The following NOX4 variants were observed in gnomAD, a reference collection of about 807,000 sequenced individuals.
The protein encoded by NOX4 is kidney oxidase-1.
NOX4 carries 69 observed loss-of-function variants against 87.6 expected under a neutral mutation model. The observed-to-expected ratio is 0.79, with a 90% CI of 0.65 to 0.96. The LOEUF is 0.96. NOX4 is among the 40% of genes least tolerant of loss of function. The probability of loss-of-function intolerance (pLI) is 0.00; values close to 1 mark genes in which losing one functional copy is unlikely to be tolerated. For synonymous variants in NOX4, 275 were observed against 238.2 expected (o/e 1.15, Z -1.42); for missense variants, 680 against 681.5 (o/e 1.00, Z 0.02).
Position 89,358,040 on chromosome 11 carries a change from G to T in NOX4, c.1136-2997C>A, listed in dbSNP as rs141325964. Among the ~76,000 whole-genome samples, 768 of 152,068 alleles carry T rather than the reference G, an allele frequency of 5.1e-3. 13 individuals carry two copies. Among genetic ancestry groups the T allele is most frequent in the African/African-American group, 0.018 (735 of 41,524 alleles). On this transcript the variant is annotated intron_variant, in intron 12 of 17. Transcript: ENST00000263317. ...GGAACATCCTTTAATCAGATTATCA[G>T]AAATACAAAGAATACCAAGCAAACA...
intron 8 of NOX4, among the ~76,000 whole-genome samples, chr11:89,405,285 C>T (rs529707198): frequency 1.7e-4 from 26 of 152,050 alleles, no homozygotes; most frequent in Non-Finnish European, 3.2e-4. Context: ...CCCAATCAAA[C>T]ATTTGTGCTG....
rs148938744 is a variant in NOX4, at chr11:89,381,071, C to T, written c.1075-7579G>A. Among the ~76,000 whole-genome samples the T allele has an allele frequency of 6.4e-4, 97 of 152,156 alleles. No homozygotes were observed. In the East Asian group the frequency reaches 0.011, roughly 18 times the overall value. ...ATTCTTGCCTGGTTTTCTTTGAAAA[C>T]GGGAAAAACTATTCCTGGAAAAACT... On this transcript the variant is annotated intron_variant, in intron 11 of 17. Coordinates refer to ENST00000263317, the MANE Select transcript of NOX4 (RefSeq NM_016931.5).
At chr11:89,333,138 T>C (rs550814141) in intron 17 of NOX4, among the ~76,000 whole-genome samples, 2 of 151,938 alleles carry the variant, frequency 1.3e-5, no homozygotes, top group South Asian at 2.1e-4. Flanking sequence ...ATAAGTTATC[T>C]AAATATAAAG....
the NOX4 span, among the ~76,000 whole-genome samples, chr11:89,552,684 A>T: frequency 6.6e-6 from 1 of 152,164 alleles, no homozygotes. Flanking sequence ...CATTGGATTT[A>T]GTTCAGTCTT....
chr11:89,555,145 T>G, the NOX4 span, among the ~76,000 whole-genome samples: 1 of 151,754 alleles, frequency 6.6e-6, no homozygotes, highest in Admixed American at 6.6e-5. Flanking sequence ...ATTCCATTCT[T>G]TTTGCTGGTT....
intron 2 of NOX4, among the ~76,000 whole-genome samples, chr11:89,475,925 T>C (rs59921890): frequency 0.019 from 2,862 of 152,254 alleles, 75 homozygotes; most frequent in African/African-American, 0.066. Context: ...GGTTTGCTTT[T>C]CTTGTGTGCT....
intron 6 of NOX4, among the ~76,000 whole-genome samples, chr11:89,438,857 A>C (rs1317318125): frequency 2.7e-3 from 25 of 9,424 alleles, no homozygotes; most frequent in South Asian, 6.6e-3. Flanking sequence ...TATATAATAT[A>C]TTATATATTA....
At chr11:89,353,499 T>C (rs1374682601) in intron 13 of NOX4, among the ~76,000 whole-genome samples, 2 of 152,166 alleles carry the variant, frequency 1.3e-5, no homozygotes, top group Non-Finnish European at 2.9e-5. Flanking sequence ...ATGTACATAG[T>C]ATTTCTAGAC....
the NOX4 span, among the ~76,000 whole-genome samples, chr11:89,554,090 A>ATT: frequency 1.3e-5 from 2 of 148,200 alleles, no homozygotes; most frequent in African/African-American, 5.0e-5. Flanking sequence ...AAAAGGATGT[A>ATT]TTTTTTTTTT....
the NOX4 span, chr11:89,546,579 T>C: frequency 6.6e-6 from 1 of 152,180 alleles, no homozygotes; most frequent in Non-Finnish European, 1.5e-5. Context: ...CTGTTTTGCA[T>C]TGCTATAACA....
the NOX4 span, among the ~76,000 whole-genome samples, chr11:89,561,809 A>G: frequency 6.6e-6 from 1 of 152,168 alleles, no homozygotes; most frequent in South Asian, 2.1e-4. Context: ...TCAGATGGCA[A>G]TAAATACTGT....
the NOX4 span, among the ~76,000 whole-genome samples, chr11:89,524,395 A>G: frequency 2.6e-5 from 4 of 152,184 alleles, no homozygotes; most frequent in Non-Finnish European, 5.9e-5. Context: ...CCTTCTAGGT[A>G]TAATACTTTG....
the NOX4 span, among the ~76,000 whole-genome samples, chr11:89,567,631 C>G: frequency 6.6e-6 from 1 of 152,148 alleles, no homozygotes; most frequent in Non-Finnish European, 1.5e-5. Flanking sequence ...ATAAAACCAT[C>G]AGATCTCATG....
At chr11:89,345,383 C>A (rs2134929758) in intron 13 of NOX4, among the ~76,000 whole-genome samples, 1 of 152,224 alleles carries the variant, frequency 6.6e-6, no homozygotes, top group East Asian at 1.9e-4. Context: ...AATATGTATT[C>A]AATAGAGACT....
the NOX4 span, among the ~76,000 whole-genome samples, chr11:89,584,883 A>G: frequency 2.0e-5 from 3 of 152,162 alleles, no homozygotes; most frequent in African/African-American, 7.2e-5. Context: ...ATGAAATGAT[A>G]GATTGCTCAT....
intron 2 of NOX4, among the ~76,000 whole-genome samples, chr11:89,477,303 G>A (rs964336026): frequency 3.3e-5 from 5 of 152,030 alleles, no homozygotes; most frequent in East Asian, 3.9e-4. Context: ...TCCCTCCTGC[G>A]CAGTTCACAA....
At position 89,449,471 on chromosome 11, in the gene NOX4, A is replaced by C. The variant is rs571244490; in HGVS notation, c.318T>G (p.Ile106Met). Reference sequence around the variant, plus strand: ...AAATACAGATAGTAACACCACAGGTAATATGGAATGTTCTGCTTTTATCCA... The same window carrying C: ...AAATACAGATAGTAACACCACAGGTCATATGGAATGTTCTGCTTTTATCCA... ...RLLDKSRTFH[I>M]TCGVTICIFS... is the part of the protein sequence containing the mutation. Residue 106 changes from isoleucine to methionine, a missense_variant, in exon 4 of 18, where the codon ATT becomes ATG. Physicochemically the swap from Ile to Met is conservative, Grantham distance 10. Coordinates refer to ENST00000263317, the MANE Select transcript of NOX4 (RefSeq NM_016931.5). 48 of 1,612,102 alleles carry C rather than the reference A, an allele frequency of 3.0e-5. No individual in the cohort carries two copies. The highest frequency in any genetic ancestry group is 2.6e-4 in the South Asian group (24 of 90,832).
the NOX4 span, among the ~76,000 whole-genome samples, chr11:89,538,042 T>C: frequency 1.4e-4 from 22 of 152,320 alleles, no homozygotes; most frequent in African/African-American, 5.3e-4. Flanking sequence ...CTCTCTGCTG[T>C]TTTTCATTTT....
At chr11:89,429,947 A>G (rs543464196) in intron 7 of NOX4, among the ~76,000 whole-genome samples, 3 of 152,342 alleles carry the variant, frequency 2.0e-5, no homozygotes, top group African/African-American at 7.2e-5. Flanking sequence ...TCGATGGAAA[A>G]ATCCTCAATA....
Sources: allele counts gnomAD v4.1 joint callset (sites outside exome capture counted in the v4.1 genomes callset), GRCh38; gene constraint gnomAD v4.1.1; transcripts MANE v1.5; gene names NCBI Gene and HGNC (gene_info 2026-07-23, HGNC 2026-07-21).